The following SLC38A12 variants were observed in gnomAD, a reference collection of about 807,000 sequenced individuals.
SLC38A12 encodes the protein putative sodium-coupled neutral amino acid transporter 12.
the SLC38A12 span, among the ~76,000 whole-genome samples, chr17:74,807,676 C>T: frequency 6.6e-6 from 1 of 152,244 alleles, no homozygotes; most frequent in Non-Finnish European, 1.5e-5. Context: ...AATCCGTCCA[C>T]TGCCGTGAAG....
chr17:74,815,389 T>C, the SLC38A12 span, among the ~76,000 whole-genome samples: 2 of 152,208 alleles, frequency 1.3e-5, no homozygotes, highest in Non-Finnish European at 2.9e-5. Flanking sequence ...ACCCGGAGAC[T>C]GTACAAGGTG....
chr17:74,796,834 G>A, the SLC38A12 span, among the ~76,000 whole-genome samples: 24 of 152,364 alleles, frequency 1.6e-4, no homozygotes, highest in Admixed American at 7.8e-4. Context: ...GGCAGCCGGA[G>A]GGGTGAGCCC....
At chr17:74,789,002 T>C in the SLC38A12 span, 3 of 717,578 alleles carry the variant, frequency 4.2e-6, no homozygotes, top group Non-Finnish European at 6.6e-6. Flanking sequence ...TGGACCCCAG[T>C]CCCAGAGCTG....
the SLC38A12 span, among the ~76,000 whole-genome samples, chr17:74,787,730 A>C: frequency 6.6e-6 from 1 of 151,696 alleles, no homozygotes; most frequent in African/African-American, 2.4e-5. Context: ...AAGGCAGCCC[A>C]CTTCTGTATC....
chr17:74,835,847 C>A, the SLC38A12 span: 1 of 1,512,566 alleles, frequency 6.6e-7, no homozygotes, highest in Non-Finnish European at 8.8e-7. Flanking sequence ...CTAGTCCCCG[C>A]AAAGGCGCCC....
the SLC38A12 span, chr17:74,838,013 C>A: frequency 2.0e-6 from 2 of 985,844 alleles, no homozygotes; most frequent in Non-Finnish European, 2.4e-6. Context: ...TGTATCTCAG[C>A]GTCTTCAGAC....
At chr17:74,797,516 TTC>T in the SLC38A12 span, among the ~76,000 whole-genome samples, 1 of 152,184 alleles carries the variant, frequency 6.6e-6, no homozygotes, top group Non-Finnish European at 1.5e-5. Context: ...TGCTGGGGGC[TTC>T]TGTTTGCTCA....
chr17:74,805,054 G>A, the SLC38A12 span, among the ~76,000 whole-genome samples: 1 of 152,256 alleles, frequency 6.6e-6, no homozygotes, highest in Admixed American at 6.5e-5. The surrounding 1 kb of genome is among the most constrained non-coding windows in gnomAD (Gnocchi z 5.0). Context: ...AGGCCACAGG[G>A]CCCAGGAATC....
the SLC38A12 span, among the ~76,000 whole-genome samples, chr17:74,797,008 C>A: frequency 6.6e-6 from 1 of 152,158 alleles, no homozygotes; most frequent in African/African-American, 2.4e-5. Flanking sequence ...GCGGCTCGCA[C>A]AGACATGGTG....
At chr17:74,815,746 A>G in the SLC38A12 span, among the ~76,000 whole-genome samples, 1 of 152,340 alleles carries the variant, frequency 6.6e-6, no homozygotes, top group Non-Finnish European at 1.5e-5. Flanking sequence ...CTTGGTTTAA[A>G]GATCCATTCT....
At chr17:74,814,534 A>G in the SLC38A12 span, among the ~76,000 whole-genome samples, 1 of 152,244 alleles carries the variant, frequency 6.6e-6, no homozygotes, top group Non-Finnish European at 1.5e-5. Context: ...AAATCATAAC[A>G]TGTCAATTCC....
the SLC38A12 span, among the ~76,000 whole-genome samples, chr17:74,816,207 A>G: frequency 2.8e-4 from 42 of 152,240 alleles, no homozygotes; most frequent in African/African-American, 8.7e-4. Context: ...TGGGGGTGCT[A>G]TTGGGAGCCT....
At chr17:74,802,567 G>T in the SLC38A12 span, among the ~76,000 whole-genome samples, 1 of 152,182 alleles carries the variant, frequency 6.6e-6, no homozygotes, top group African/African-American at 2.4e-5. Flanking sequence ...GAATGTGCAG[G>T]TTGGGTATCC....
chr17:74,838,807 C>A, the SLC38A12 span: 1 of 1,506,096 alleles, frequency 6.6e-7, no homozygotes. Flanking sequence ...TGGCTCTCCA[C>A]GTGCATCCGG....
At chr17:74,819,756 T>A in the SLC38A12 span, 1 of 1,614,150 alleles carries the variant, frequency 6.2e-7, no homozygotes, top group South Asian at 1.1e-5. Context: ...CCAGGCGATC[T>A]TCACTCTCCT....
At chr17:74,826,859 C>A in the SLC38A12 span, among the ~76,000 whole-genome samples, 8 of 152,172 alleles carry the variant, frequency 5.3e-5, no homozygotes, top group African/African-American at 1.9e-4. Context: ...TTAAAAGATG[C>A]TGGCGGTGGT....
the SLC38A12 span, among the ~76,000 whole-genome samples, chr17:74,815,424 T>C: frequency 6.6e-6 from 1 of 152,180 alleles, no homozygotes; most frequent in African/African-American, 2.4e-5. Context: ...TAATTTGAGA[T>C]TGGCACCAAG....
At chr17:74,832,840 G>C in the SLC38A12 span, among the ~76,000 whole-genome samples, 81 of 152,188 alleles carry the variant, frequency 5.3e-4, 1 homozygote, top group Admixed American at 7.9e-4. Flanking sequence ...ACTCGTAGGC[G>C]GCAGCAAACA....
chr17:74,787,797 C>CT, the SLC38A12 span, among the ~76,000 whole-genome samples: 43,270 of 141,308 alleles, frequency 0.31, 8,138 homozygotes, highest in East Asian at 0.59. Context: ...CTCAAGTATC[C>CT]TTTTTTTTTT....
Sources: gnomAD v4.1 joint callset for allele counts (sites outside exome capture counted in the v4.1 genomes callset) on GRCh38, gnomAD v4.1.1 for gene constraint, Gnocchi (gnomAD v3.1) non-coding constraint, MANE v1.5 for transcripts, NCBI Gene and HGNC (gene_info 2026-07-23, HGNC 2026-07-21) for gene names.